Variants in ALG13 observed in about 807,000 individuals in gnomAD.
The protein encoded by ALG13 is UDP-N-acetylglucosamine transferase subunit ALG13.
A neutral mutation model predicts 87.8 loss-of-function variants in ALG13; 11 were observed. That is an observed-to-expected ratio of 0.13 (90% CI 0.08 to 0.21). The LOEUF (loss-of-function observed/expected upper bound fraction) is 0.21, where lower values mean the gene tolerates loss of function less well. Among genes scored for constraint, ALG13 ranks in the 10% least tolerant of loss-of-function variants. ALG13 has a pLI of 1.00. For missense variants in ALG13, 756 were observed against 866.1 expected (o/e 0.87, Z 1.60); for synonymous variants, 320 against 306.3 (o/e 1.04, Z -0.47).
chrX:111,725,552 A>G (rs949671772), intron 15 of ALG13, among the ~76,000 whole-genome samples: 4 of 111,342 alleles, frequency 3.6e-5, no homozygotes, highest in Non-Finnish European at 7.5e-5. Context: ...TGGTAGCATA[A>G]TAGGGTGACT....
In ALG13 at chrX:111,681,456, C is replaced by T. The variant is rs953471826; in HGVS notation, c.81+157C>T. 3 of 1,091,872 alleles carry T rather than the reference C, an allele frequency of 2.7e-6. No individual in the cohort carries two copies. In the African/African-American group the frequency reaches 5.6e-5, roughly 20 times the overall value. 90.0% of individuals were successfully genotyped at this position (1,091,872 alleles called of 1,213,427 possible). ...CTGCCCCTTAGCTGGCTTCTGCCCA[C>T]GCCCGGCGGGGCCCTTCTCCGGCTA... is the stretch of plus-strand genomic sequence containing the variant. On this transcript the variant is annotated intron_variant, in intron 1 of 26. Transcript: ENST00000394780.
intron 24 of ALG13, among the ~76,000 whole-genome samples, chrX:111,745,503 T>G (rs1296064686): frequency 9.0e-6 from 1 of 110,992 alleles, no homozygotes; most frequent in African/African-American, 3.3e-5. Flanking sequence ...CTATAATATT[T>G]TCTTGGTTTT....
At chrX:111,711,239 T>G (rs1429431176) in intron 5 of ALG13, 1 of 114,876 alleles carries the variant, frequency 8.7e-6, no homozygotes, top group Non-Finnish European at 1.8e-5. Flanking sequence ...AATGTTTCCG[T>G]CACCCCTAAA....
At chrX:111,688,662 A>T in intron 3 of ALG13, 1 of 752,151 alleles carries the variant, frequency 1.3e-6, no homozygotes, top group Non-Finnish European at 1.6e-6. Flanking sequence ...ACTTATACCA[A>T]TAGGACTTAC....
intron 25 of ALG13, among the ~76,000 whole-genome samples, chrX:111,757,002 G>A (rs1163766159): frequency 8.9e-6 from 1 of 111,860 alleles, no homozygotes; most frequent in Non-Finnish European, 1.9e-5. Flanking sequence ...ATGCTGAATA[G>A]ATATTTCAGT....
chrX:111,688,505 A>G, intron 3 of ALG13: 1 of 750,163 alleles, frequency 1.3e-6, no homozygotes, highest in Non-Finnish European at 1.6e-6. Context: ...AAGTTAGTTG[A>G]TCTCTTGTAC....
At chrX:111,732,906 A>T (rs1251808173) in intron 21 of ALG13, among the ~76,000 whole-genome samples, 3 of 111,204 alleles carry the variant, frequency 2.7e-5, no homozygotes, top group Non-Finnish European at 3.8e-5. Context: ...CCAAGTAAGA[A>T]TCTTACCACA....
At chrX:111,698,903 T>C (rs893797879) in intron 3 of ALG13, among the ~76,000 whole-genome samples, 1 of 111,506 alleles carries the variant, frequency 9.0e-6, no homozygotes, top group Non-Finnish European at 1.9e-5. Flanking sequence ...GATCATATGG[T>C]AGTTCTATTT....
At chrX:111,692,746 A>G (rs370333533) in intron 3 of ALG13, among the ~76,000 whole-genome samples, 25 of 112,240 alleles carry the variant, frequency 2.2e-4, no homozygotes, top group African/African-American at 6.8e-4. Context: ...GAAAAGCACT[A>G]TAGTGTTTTC....
intron 1 of ALG13, chrX:111,681,764 G>A: frequency 1.2e-6 from 1 of 826,288 alleles, no homozygotes; most frequent in Non-Finnish European, 1.5e-6. Flanking sequence ...GCCGGAGCCC[G>A]CGCGGTTCCT....
In ALG13 at chrX:111,712,481, T is replaced by TA; in HGVS notation, c.886-2dup. 8.6e-7 allele frequency: 1 copy of TA among 1,168,016 alleles called. No homozygotes were observed. The highest frequency in any genetic ancestry group is 1.2e-6 in the Non-Finnish European group (1 of 868,427). ...TAAAACTCAATACACTATTTATGTT[T>TA]AGGAAAGTGCTGGCCAGCTGGAAAT... On this transcript the variant is annotated splice_polypyrimidine_tract_variant and splice_region_variant and intron_variant, in intron 6 of 26. Transcript: ENST00000394780.
At chrX:111,689,068 C>A in intron 3 of ALG13, 1 of 686,597 alleles carries the variant, frequency 1.5e-6, no homozygotes, top group Non-Finnish European at 1.7e-6. Flanking sequence ...GTTTATTTTT[C>A]TGATTGTGTT....
intron 2 of ALG13, among the ~76,000 whole-genome samples, chrX:111,682,592 A>C (rs770556245): frequency 6.7e-4 from 75 of 112,326 alleles, no homozygotes; most frequent in African/African-American, 2.4e-3. Flanking sequence ...ACTTTACTGG[A>C]GAGAACTTAG....
intron 23 of ALG13, among the ~76,000 whole-genome samples, chrX:111,737,469 T>C (rs1403570339): frequency 9.0e-6 from 1 of 111,426 alleles, no homozygotes; most frequent in Non-Finnish European, 1.9e-5. Context: ...TCTAGGAAGG[T>C]GGTGGCAACA....
At chrX:111,727,167 G>A in intron 16 of ALG13, 112 bp downstream of exon 16, 1 of 982,678 alleles carries the variant, frequency 1.0e-6, no homozygotes, top group Admixed American at 2.6e-5. Context: ...CATACAGACT[G>A]TATTTCATTA....
intron 8 of ALG13, among the ~76,000 whole-genome samples, chrX:111,715,675 G>A (rs1041126069): frequency 5.3e-5 from 6 of 112,412 alleles, no homozygotes; most frequent in African/African-American, 1.9e-4. Context: ...CCAAGATTGC[G>A]CCGCTGCACT....
chrX:111,702,114 A>G (rs998557552), intron 3 of ALG13, among the ~76,000 whole-genome samples: 1 of 111,980 alleles, frequency 8.9e-6, no homozygotes, highest in Non-Finnish European at 1.9e-5. Flanking sequence ...AGAATGGTCC[A>G]TGTGTGCATA....
chrX:111,750,707 G>A (rs781127818), intron 24 of ALG13, among the ~76,000 whole-genome samples: 263 of 108,816 alleles, frequency 2.4e-3, no homozygotes, highest in Non-Finnish European at 3.6e-3. Context: ...AGTCTCTGTC[G>A]CCCAGGCTGG....
chrX:111,698,428 C>T (rs966424524), intron 3 of ALG13, among the ~76,000 whole-genome samples: 2 of 110,965 alleles, frequency 1.8e-5, no homozygotes, highest in African/African-American at 3.3e-5. Flanking sequence ...TTGACTGTAG[C>T]GACTCTGCTG....
Sources: allele counts gnomAD v4.1 joint callset (sites outside exome capture counted in the v4.1 genomes callset), GRCh38; gene constraint gnomAD v4.1.1; transcripts MANE v1.5; gene names NCBI Gene and HGNC (gene_info 2026-07-23, HGNC 2026-07-21).